The following RGPD3 variants were observed in gnomAD, a reference collection of about 807,000 sequenced individuals.
RGPD3 encodes the protein RANBP2 like and GRIP domain containing 3.
In RGPD3, 62 loss-of-function variants were observed where a neutral mutation model predicts 154.5. The ratio of observed to expected loss-of-function variants is 0.40; its 90% confidence interval spans 0.33 to 0.50. The LOEUF (loss-of-function observed/expected upper bound fraction) is 0.50, where lower values mean the gene tolerates loss of function less well. Ranked by LOEUF, RGPD3 falls within the 20% of genes least tolerant of loss-of-function variation. RGPD3 has a pLI of 0.59. For synonymous variants in RGPD3, 308 were observed against 607.0 expected, an observed-to-expected ratio of 0.51 and a Z score of 7.24; for missense variants, 919 against 1,716.8, an observed-to-expected ratio of 0.54 and a Z score of 8.21.
rs900232068 is a variant in RGPD3, at chr2:106,468,311, A to AGATGC, written c.-28_-24dup. 1.9e-6 allele frequency: 3 copies of AGATGC among 1,595,542 alleles called. No individual in the cohort carries two copies. In the African/African-American group the frequency reaches 4.0e-5, roughly 21 times the overall value. On this transcript the variant is annotated 5_prime_UTR_variant, in exon 1 of 23. Coordinates refer to ENST00000409886, the MANE Select transcript of RGPD3 (RefSeq NM_001144013.2). ...CATCGCGCCACCAACCTGGCTCCCG[A>AGATGC]GATGCGTGAGACCAGCGCTCAGCCC...
intron 7 of RGPD3, among the ~76,000 whole-genome samples, chr2:106,443,234 A>G (rs1378811194): frequency 2.7e-5 from 4 of 150,816 alleles, no homozygotes; most frequent in Non-Finnish European, 5.9e-5. Context: ...TGCATAAAAC[A>G]TTTCCTGAAG....
upstream of RGPD3, among the ~76,000 whole-genome samples, chr2:106,469,770 A>G (rs1385273317): frequency 6.6e-6 from 1 of 152,088 alleles, no homozygotes; most frequent in Non-Finnish European, 1.5e-5. Flanking sequence ...CCACACATAT[A>G]CTGCCCTAGC....
Position 106,424,303 on chromosome 2 carries a change from T to C in RGPD3, c.3664A>G (p.Lys1222Glu). 1.2e-6 allele frequency: 2 copies of C among 1,611,982 alleles called. No individual in the cohort carries two copies. Among genetic ancestry groups the C allele is most frequent in the East Asian group, 2.2e-5 (1 of 44,876 alleles). ...CCGGCCGCACCTGTACCTGAACCCT[T>C]ATTTTCTTCCTCAGCGACTTTTGTT... ...DQTKVAEEEN[K>E]GSGTGAAGAS... is the part of the protein sequence containing the mutation. The change falls in exon 20 of 23, where the codon AAG (lysine) becomes GAG (glutamate). Residue 1222 changes from lysine (K) to glutamate (E), a missense_variant. Transcript: ENST00000409886.
intron 1 of RGPD3, among the ~76,000 whole-genome samples, chr2:106,465,311 G>A (rs930726183): frequency 6.6e-6 from 1 of 152,138 alleles, no homozygotes; most frequent in African/African-American, 2.4e-5. Context: ...TTACTCACTA[G>A]TTAATCCATA....
chr2:106,418,108 C>A (rs1404326157), intron 20 of RGPD3, among the ~76,000 whole-genome samples: 2 of 143,836 alleles, frequency 1.4e-5, no homozygotes, highest in African/African-American at 5.0e-5. Flanking sequence ...AGCCTGGTGA[C>A]AGAGCAAGAC....
chr2:106,469,438 G>A (rs187243507), upstream of RGPD3, among the ~76,000 whole-genome samples: 99 of 152,138 alleles, frequency 6.5e-4, no homozygotes, highest in African/African-American at 2.0e-3. Flanking sequence ...TCAATGTTCC[G>A]CAAATGTGCT....
chr2:106,424,507 G>C lies in RGPD3; in HGVS notation c.3460C>G (p.Pro1154Ala). 6.2e-7 allele frequency: 1 copy of C among 1,606,102 alleles called. No homozygotes were observed. Among genetic ancestry groups the C allele is most frequent in the East Asian group, 2.3e-5 (1 of 44,374 alleles). The change falls in exon 20 of 23, where the codon CCA becomes GCA. Residue 1154 changes from proline (P) to alanine (A), a missense_variant. Transcript: ENST00000409886. Reference protein sequence around the residue: ...LERLAAKFKTPELAEEFKQKF... With the variant: ...LERLAAKFKTAELAEEFKQKF... ...TGCTTGAATTCTTCAGCCAGCTCTG[G>C]TGTTTTAAATTTTGCTGCCAATCGC...
intron 22 of RGPD3, among the ~76,000 whole-genome samples, chr2:106,412,293 G>GTTTTTTTTTT (rs772813472): frequency 4.4e-5 from 2 of 45,028 alleles, no homozygotes; most frequent in Non-Finnish European, 7.9e-5. Context: ...CTACATCATA[G>GTTTTTTTTTT]TTTTTTTTTT....
upstream of RGPD3, among the ~76,000 whole-genome samples, chr2:106,469,331 C>T (rs968002550): frequency 1.3e-5 from 2 of 150,364 alleles, no homozygotes; most frequent in Admixed American, 6.6e-5. Context: ...TATTACCAGG[C>T]TTATAGAATT....
rs185260298 is a variant in RGPD3, at chr2:106,424,654, C to A, written c.3313G>T (p.Val1105Leu). 3.1e-6 allele frequency: 5 copies of A among 1,611,998 alleles called. No homozygotes were observed. The highest frequency in any genetic ancestry group is 2.2e-5 in the East Asian group (1 of 44,868). Residue 1105 changes from valine to leucine, a missense_variant, in exon 20 of 23, where the codon GTA (valine) becomes TTA (leucine). Val to Leu is a conservative substitution (Grantham distance 32). Coordinates refer to ENST00000409886, the MANE Select transcript of RGPD3 (RefSeq NM_001144013.2). ...CAATGATTAGCACACACTTTTAGTA[C>A]TTGTTCTCTTTGCATCAGCATTCTT... ...KVRMLMQREQ[V>L]LKVCANHWIT...
At chr2:106,412,384 A>G (rs1018659144) in intron 22 of RGPD3, among the ~76,000 whole-genome samples, 6 of 132,412 alleles carry the variant, frequency 4.5e-5, no homozygotes, top group African/African-American at 1.8e-4. Flanking sequence ...GTGACAGATC[A>G]CTGCAACCTC....
At position 106,426,009 on chromosome 2, in the gene RGPD3, A is replaced by C. The variant is rs1677184272; in HGVS notation, c.2685T>G (p.Asn895Lys). ...NSQYLLRPAA[N>K]VTPTKGSSNT... ...CCTTTGTTACCTTTGTGGGAGTAACATTAGCTGCTGGTCTGAGAAGATACT... is the reference window on the plus strand; with the variant it reads ...CCTTTGTTACCTTTGTGGGAGTAACCTTAGCTGCTGGTCTGAGAAGATACT... Residue 895 changes from asparagine to lysine, a missense_variant, in exon 19 of 23, where the codon AAT becomes AAG. Transcript: ENST00000409886. 1 of 1,568,620 alleles carries C rather than the reference A, an allele frequency of 6.4e-7. No individual in the cohort carries two copies. The highest frequency in any genetic ancestry group is 1.2e-5 in the South Asian group (1 of 86,382).
intron 22 of RGPD3, among the ~76,000 whole-genome samples, chr2:106,409,273 C>A (rs1408676912): frequency 6.6e-6 from 1 of 152,110 alleles, no homozygotes; most frequent in African/African-American, 2.4e-5. Context: ...TAACAAAATG[C>A]CCCTAGTGTG....
In RGPD3 at chr2:106,405,174, C is replaced by A. The variant is rs1676467943; in HGVS notation, c.*45G>T. On this transcript the variant is annotated 3_prime_UTR_variant, in exon 23 of 23. Transcript: ENST00000409886. ...TTCCATCAACCTATCGAAGTCCAAA[C>A]CAACTACGAAGATAGGATGCCCATC... is the stretch of plus-strand genomic sequence containing the variant. The A allele has an allele frequency of 1.9e-6, 3 of 1,607,568 alleles. No individual in the cohort carries two copies. Among genetic ancestry groups the A allele is most frequent in the East Asian group, 4.5e-5 (2 of 44,782 alleles).
chr2:106,463,193 A>T (rs1678454792), intron 1 of RGPD3, among the ~76,000 whole-genome samples: 1 of 148,080 alleles, frequency 6.8e-6, no homozygotes, highest in Admixed American at 6.8e-5. Flanking sequence ...TGCGAAAAAA[A>T]TTATTTCAAA....
intron 15 of RGPD3, 102 bp downstream of exon 15, chr2:106,434,126 A>G: frequency 1.9e-6 from 3 of 1,593,314 alleles, no homozygotes; most frequent in Non-Finnish European, 2.6e-6. Flanking sequence ...ATAACAACAT[A>G]TTACTGAGTA....
chr2:106,425,091 C>T lies in RGPD3; in HGVS notation c.2876G>A (p.Arg959His), dbSNP rs371729109. 5.4e-5 allele frequency: 87 copies of T among 1,611,872 alleles called. 2 individuals are homozygous for T. Among genetic ancestry groups the T allele is most frequent in the East Asian group, 2.2e-4 (10 of 44,882 alleles). The change falls in exon 20 of 23, where the codon CGT becomes CAT. Residue 959 changes from arginine to histidine, a missense_variant. Transcript: ENST00000409886. ...AQDISGRKKG[R>H]GVIFGQTSST... is the part of the protein sequence containing the mutation. ...ACTTGTTTGGCCAAAAATCACACCA[C>T]GGCCCTTCTTCCGGCCACTAATATC...
Position 106,426,054 on chromosome 2 carries a change from C to G in RGPD3, c.2640G>C (p.Gln880His). ...ATTGPSVYYS[Q>H]SPAYNSQYLL... ...GATACTGGGAATTATATGCTGGTGA[C>G]TGACTATAATATACTGAAGGGCCAG... Residue 880 changes from glutamine (Q) to histidine (H), a missense_variant, in exon 19 of 23, where the codon CAG becomes CAC. Coordinates refer to ENST00000409886, the MANE Select transcript of RGPD3 (RefSeq NM_001144013.2). 6.3e-7 allele frequency: 1 copy of G among 1,578,578 alleles called. No individual in the cohort carries two copies. The highest frequency in any genetic ancestry group is 1.7e-5 in the Admixed American group (1 of 57,152).
chr2:106,467,967 C>T (rs1485921904), intron 1 of RGPD3, among the ~76,000 whole-genome samples: 5 of 122,086 alleles, frequency 4.1e-5, no homozygotes, highest in Admixed American at 2.4e-4. Flanking sequence ...CCATCGAGGC[C>T]GCCGCAGGGC....
Sources: allele counts gnomAD v4.1 joint callset (sites outside exome capture counted in the v4.1 genomes callset), GRCh38; gene constraint gnomAD v4.1.1; transcripts MANE v1.5; gene names NCBI Gene and HGNC (gene_info 2026-07-23, HGNC 2026-07-21).